The following TRIM66 variants were observed in gnomAD, a reference collection of about 807,000 sequenced individuals.
TRIM66 encodes tripartite motif containing 66, also known as tripartite motif-containing protein 66.
A neutral mutation model predicts 148.2 loss-of-function variants in TRIM66; 99 were observed. The ratio of observed to expected loss-of-function variants is 0.67; its 90% CI spans 0.57 to 0.79. The LOEUF is 0.79. Ranked by LOEUF, TRIM66 falls within the 30% of genes least tolerant of loss-of-function variation. TRIM66 has a pLI of 0.00. For missense variants in TRIM66, 1,666 were observed against 1,697.9 expected, an observed-to-expected ratio of 0.98 and a Z score of 0.33; for synonymous variants, 616 against 635.9, an observed-to-expected ratio of 0.97 and a Z score of 0.47.
intron 6 of TRIM66, among the ~76,000 whole-genome samples, chr11:8,656,564 A>G (rs1161192513): frequency 6.6e-6 from 1 of 152,240 alleles, no homozygotes; most frequent in African/African-American, 2.4e-5. Flanking sequence ...CATTTAGTCC[A>G]TCTGTCACAA....
At chr11:8,655,587 A>T (rs2037754728) in intron 6 of TRIM66, among the ~76,000 whole-genome samples, 1 of 152,020 alleles carries the variant, frequency 6.6e-6, no homozygotes, top group African/African-American at 2.4e-5. Flanking sequence ...GTTCGAGACC[A>T]GCTTGGTCAA....
chr11:8,633,270 C>T (rs1303075663), intron 15 of TRIM66, among the ~76,000 whole-genome samples: 5 of 151,830 alleles, frequency 3.3e-5, no homozygotes, highest in African/African-American at 9.7e-5. Flanking sequence ...TGCGGTGAGC[C>T]GAGATCGTGC....
intron 6 of TRIM66, among the ~76,000 whole-genome samples, chr11:8,670,497 A>G (rs2038873461): frequency 6.6e-6 from 1 of 152,242 alleles, no homozygotes. Context: ...GATTCACCAT[A>G]TTTATAAATT....
chr11:8,631,792 C>A (rs775462922), intron 15 of TRIM66, among the ~76,000 whole-genome samples: 1 of 152,194 alleles, frequency 6.6e-6, no homozygotes, highest in African/African-American at 2.4e-5. Context: ...CGGCTAGATA[C>A]CCACATATGA....
chr11:8,682,357 A>AGCCACTATCACCAGCCCCGGGCAG (rs1397866020), intron 1 of TRIM66: 1 of 165,792 alleles, frequency 6.0e-6, no homozygotes, highest in Admixed American at 6.2e-5. Flanking sequence ...ACAAACCAGT[A>AGCCACTATCACCAGCCCCGGGCAG]GCCACTATCA....
chr11:8,618,822 G>A lies in TRIM66; in HGVS notation c.4047C>T (p.Ser1349=). The A allele has an allele frequency of 6.4e-7, 1 of 1,551,384 alleles. No homozygotes were observed. The highest frequency in any genetic ancestry group is 8.7e-7 in the Non-Finnish European group (1 of 1,146,942). Residue 1349 remains serine, a synonymous_variant, in exon 24 of 25, where the codon TCC becomes TCT. Coordinates refer to ENST00000646038, the MANE Select transcript of TRIM66 (RefSeq NM_001388022.1). ...GAGGCCACGGGAAGCCCTGGGGAGT[G>A]GAACATCCACTCTCACTAGACACCT... ...SEEVSSESGC[S]TPQGFPWPPY...
At chr11:8,620,302 A>G in intron 21 of TRIM66, 144 bp downstream of exon 21, 1 of 1,397,472 alleles carries the variant, frequency 7.2e-7, no homozygotes, top group Non-Finnish European at 9.6e-7. Flanking sequence ...AAATTATCCA[A>G]ACACCCCTGG....
At chr11:8,666,341 GAAAAAAAAAAAAAAA>G (rs558326812) in intron 6 of TRIM66, among the ~76,000 whole-genome samples, 277 of 23,550 alleles carry the variant, frequency 0.012, 3 homozygotes, top group African/African-American at 0.025. Context: ...CTCCGCCTCA[GAAAAAAAAAAAAAAA>G]AAAAAAAAAA....
intron 15 of TRIM66, among the ~76,000 whole-genome samples, chr11:8,632,580 C>T (rs2035516820): frequency 6.6e-6 from 1 of 151,644 alleles, no homozygotes; most frequent in Admixed American, 6.6e-5. Flanking sequence ...GCCTCAGCCT[C>T]CCAAGTAGCT....
intron 15 of TRIM66, among the ~76,000 whole-genome samples, chr11:8,631,263 C>T (rs2035367397): frequency 6.6e-6 from 1 of 152,162 alleles, no homozygotes. Flanking sequence ...TAAACAGACA[C>T]TTAGTGCACA....
chr11:8,666,106 G>A (rs1455310411), intron 6 of TRIM66, among the ~76,000 whole-genome samples: 2 of 151,958 alleles, frequency 1.3e-5, no homozygotes, highest in African/African-American at 4.8e-5. Flanking sequence ...GGAGGCCGAG[G>A]TGGGCAGATC....
chr11:8,621,194 A>G lies in TRIM66; in HGVS notation c.3383T>C (p.Leu1128Pro). 2 of 1,551,628 alleles carry G rather than the reference A, an allele frequency of 1.3e-6. No homozygotes were observed. The change falls in exon 20 of 25, where the codon CTC becomes CCC. Residue 1128 changes from leucine to proline, a missense_variant. Transcript: ENST00000646038. ...CTTGGCTCCTGGGGTTCGAGGAATG[A>G]GTCTGTGTTCTTCAGGAGATGTGCC... ...VEGTSPEEHR[L>P]IPRTPGAKKG...
intron 6 of TRIM66, chr11:8,658,634 C>G (rs768255519): frequency 6.0e-5 from 20 of 333,462 alleles, no homozygotes; most frequent in Non-Finnish European, 8.1e-5. Flanking sequence ...AATGGAATAA[C>G]AGGCTCACGC....
chr11:8,673,925 G>T (rs7118686), intron 4 of TRIM66, among the ~76,000 whole-genome samples: 7,915 of 152,368 alleles, frequency 0.052, 265 homozygotes, highest in Non-Finnish European at 0.068. Context: ...GAAGGAGGAA[G>T]GGTGATGGGG....
intron 23 of TRIM66, 21 bp from the exon 24 acceptor site, chr11:8,618,989 T>C: frequency 1.9e-6 from 3 of 1,546,334 alleles, no homozygotes; most frequent in Non-Finnish European, 2.6e-6. Flanking sequence ...AGGAGAGCAG[T>C]GATGGTCTAG....
In TRIM66 at chr11:8,617,647, G is replaced by C. The variant is rs962767441; in HGVS notation, c.*297C>G. The C allele has an allele frequency of 7.8e-6, 3 of 386,530 alleles. No individual in the cohort carries two copies. The highest frequency in any genetic ancestry group is 6.1e-5 in the African/African-American group (3 of 48,996). 23.9% of individuals were successfully genotyped at this position (386,530 alleles called of 1,614,324 possible). The stretch of plus-strand genomic sequence containing the variant: ...GGCAGAAAAAAATTCACCAAGGAAA[G>C]TAGGTTTTCCCGAGCCTAACCAGGT... On this transcript the variant is annotated 3_prime_UTR_variant, in exon 25 of 25. Coordinates refer to ENST00000646038, the MANE Select transcript of TRIM66 (RefSeq NM_001388022.1).
chr11:8,640,644 G>A lies in TRIM66; in HGVS notation c.1731C>T (p.Pro577=), dbSNP rs1198195635. 3 of 1,551,692 alleles carry A rather than the reference G, an allele frequency of 1.9e-6. No homozygotes were observed. Among genetic ancestry groups the A allele is most frequent in the East Asian group, 2.4e-5 (1 of 40,910 alleles). ...GGTGGCCAAACTGGACTTGGATAGA[G>A]GGTGTCTGTAAGGTGGGCTGGGCAT... is the stretch of plus-strand genomic sequence containing the variant. ...GAHAQPTLQT[P]SIQVQFGHHQ... Residue 577 remains proline, a synonymous_variant, in exon 14 of 25, where the codon CCC becomes CCT. Transcript: ENST00000646038.
intron 15 of TRIM66, among the ~76,000 whole-genome samples, chr11:8,627,826 T>C (rs1369636452): frequency 6.6e-6 from 1 of 152,064 alleles, no homozygotes; most frequent in African/African-American, 2.4e-5. Flanking sequence ...GAATAGTAAG[T>C]TTTTGTTTTG....
At chr11:8,642,084 G>C (rs1345353432) in intron 13 of TRIM66, among the ~76,000 whole-genome samples, 4 of 152,118 alleles carry the variant, frequency 2.6e-5, no homozygotes, top group Non-Finnish European at 5.9e-5. Context: ...CCAGGCACCG[G>C]CACTGCCCCC....
Sources: gnomAD v4.1 joint callset for allele counts (sites outside exome capture counted in the v4.1 genomes callset) on GRCh38, gnomAD v4.1.1 for gene constraint, MANE v1.5 for transcripts, NCBI Gene and HGNC (gene_info 2026-07-23, HGNC 2026-07-21) for gene names.